SLCO3A1: variants seen among roughly 807,000 people sequenced by gnomAD.
SLCO3A1 encodes the protein solute carrier organic anion transporter family member 3A1.
A neutral mutation model predicts 63.1 loss-of-function variants in SLCO3A1; 27 were observed. The observed-to-expected ratio is 0.43, with a 90% CI of 0.32 to 0.59. The LOEUF (loss-of-function observed/expected upper bound fraction) is 0.59. Among genes scored for constraint, SLCO3A1 ranks in the 20% least tolerant of loss-of-function variants. The pLI is 0.09. For synonymous variants in SLCO3A1, 473 were observed against 409.9 expected, an observed-to-expected ratio of 1.15 and a Z score of -1.86; for missense variants, 773 against 945.8, an observed-to-expected ratio of 0.82 and a Z score of 2.40.
chr15:91,881,363 T>C (rs1401310551), intron 1 of SLCO3A1, among the ~76,000 whole-genome samples: 3 of 152,104 alleles, frequency 2.0e-5, no homozygotes, highest in Non-Finnish European at 2.9e-5. Flanking sequence ...AACTGTTCTC[T>C]GAATACCAGC....
intron 2 of SLCO3A1, among the ~76,000 whole-genome samples, chr15:92,047,906 G>A (rs911556922): frequency 1.3e-5 from 2 of 151,416 alleles, no homozygotes; most frequent in Admixed American, 6.6e-5. Context: ...GCAATGTACC[G>A]GGCACTTCAT....
chr15:91,989,708 T>A (rs2046102469), intron 2 of SLCO3A1, among the ~76,000 whole-genome samples: 1 of 152,246 alleles, frequency 6.6e-6, no homozygotes, highest in Admixed American at 6.5e-5. Context: ...AGAACCAAAG[T>A]ATTATTTAGC....
Position 91,872,541 on chromosome 15 carries a change from A to AG in SLCO3A1, c.180+18453_180+18454insG, listed in dbSNP as rs892185580. ...AAAATGAGACTCCGTCTCAAAAAAA[A>AG]AAAGAAAAGAAAAAAGAAGAAAGAA... On this transcript the variant is annotated intron_variant, in intron 1 of 9. Transcript: ENST00000318445. The surrounding 1 kb of genome is among the most constrained non-coding windows in gnomAD (Gnocchi z 4.1). Among the ~76,000 whole-genome samples the AG allele has an allele frequency of 1.3e-5, 2 of 151,818 alleles. No individual in the cohort carries two copies. Among genetic ancestry groups the AG allele is most frequent in the African/African-American group, 2.4e-5 (1 of 41,140 alleles).
intron 1 of SLCO3A1, among the ~76,000 whole-genome samples, chr15:91,884,162 T>TA: frequency 6.6e-6 from 1 of 152,338 alleles, no homozygotes; most frequent in East Asian, 1.9e-4. Context: ...TCCTGAGAGT[T>TA]AGAGAAATTT....
Position 92,165,444 on chromosome 15 carries a change from T to G in SLCO3A1, c.*2309T>G. 1.0e-6 allele frequency: 1 copy of G among 985,082 alleles called. No individual in the cohort carries two copies. Among genetic ancestry groups the G allele is most frequent in the South Asian group, 4.7e-5 (1 of 21,268 alleles). 61.0% of individuals were successfully genotyped at this position (985,082 alleles called of 1,614,324 possible). ...TAGATTATTGCTTGGCCCTTCAAAC[T>G]CAGTACACACACACTGAGGCCCTTT... On this transcript the variant is annotated 3_prime_UTR_variant, in exon 10 of 10. Coordinates refer to ENST00000318445, the MANE Select transcript of SLCO3A1 (RefSeq NM_013272.4).
chr15:92,143,594 G>A (rs1001186493), intron 7 of SLCO3A1, among the ~76,000 whole-genome samples: 1 of 135,910 alleles, frequency 7.4e-6, no homozygotes, highest in Non-Finnish European at 1.5e-5. Flanking sequence ...TTTAGTGTCA[G>A]GGGGAAGATG....
intron 2 of SLCO3A1, among the ~76,000 whole-genome samples, chr15:91,999,108 C>T (rs932125547): frequency 3.9e-5 from 6 of 152,058 alleles, no homozygotes; most frequent in African/African-American, 1.4e-4. Flanking sequence ...GACGTAAAGT[C>T]GGCAATAATA....
intron 2 of SLCO3A1, among the ~76,000 whole-genome samples, chr15:92,036,006 CTG>C (rs937184031): frequency 6.8e-6 from 1 of 146,918 alleles, no homozygotes; most frequent in African/African-American, 2.4e-5. Context: ...TGCCAAAACA[CTG>C]TCTCTTCCAG....
At chr15:92,022,258 C>A (rs1366664000) in intron 2 of SLCO3A1, among the ~76,000 whole-genome samples, 1 of 152,212 alleles carries the variant, frequency 6.6e-6, no homozygotes, top group African/African-American at 2.4e-5. Flanking sequence ...ACTTTTCTTG[C>A]TGACTTAGGT....
Position 92,164,605 on chromosome 15 carries a change from T to C in SLCO3A1, c.*1470T>C, listed in dbSNP as rs2048477509. ...TTCCCTAACACAAGCTGTTAAGAAG[T>C]CTGTAGCATCTCTGATAACGAATAG... On this transcript the variant is annotated 3_prime_UTR_variant, in exon 10 of 10. Transcript: ENST00000318445. The C allele has an allele frequency of 1.1e-6, 1 of 925,408 alleles. No homozygotes were observed. The allele number at this position is 925,408 out of a possible 1,614,324, so 57.3% of individuals were successfully genotyped here.
Position 91,942,959 on chromosome 15 carries a change from G to C in SLCO3A1, c.646+26501G>C, listed in dbSNP as rs1246961739. Among the ~76,000 whole-genome samples the C allele has an allele frequency of 1.3e-5, 2 of 152,206 alleles. No individual in the cohort carries two copies. The highest frequency in any genetic ancestry group is 3.9e-4 in the East Asian group (2 of 5,194). Reference sequence around the variant, plus strand: ...CGTGGGGCCCAGGGCCCAGCCGTTTGACCTCGTTCTGCCTCCCTTTCTCTC... The same window carrying C: ...CGTGGGGCCCAGGGCCCAGCCGTTTCACCTCGTTCTGCCTCCCTTTCTCTC... On this transcript the variant is annotated intron_variant, in intron 2 of 9. Transcript: ENST00000318445. The surrounding 1 kb of genome is among the most constrained non-coding windows in gnomAD (Gnocchi z 4.1).
At chr15:91,908,182 C>G (rs1422374963) in intron 1 of SLCO3A1, among the ~76,000 whole-genome samples, 1 of 152,086 alleles carries the variant, frequency 6.6e-6, no homozygotes, top group Non-Finnish European at 1.5e-5. Context: ...CTCAAAATCT[C>G]ACACATTTTC....
intron 2 of SLCO3A1, among the ~76,000 whole-genome samples, chr15:92,088,445 A>G (rs1351306053): frequency 6.6e-6 from 1 of 152,252 alleles, no homozygotes; most frequent in Non-Finnish European, 1.5e-5. Context: ...AGATCTGAGA[A>G]GTCTTGGAGT....
chr15:91,938,268 G>A (rs572740950), intron 2 of SLCO3A1, among the ~76,000 whole-genome samples: 4 of 152,258 alleles, frequency 2.6e-5, no homozygotes, highest in African/African-American at 4.8e-5. Flanking sequence ...AAATCCCAGT[G>A]CAGGGCCCAG....
At position 92,163,820 on chromosome 15, in the gene SLCO3A1, C is replaced by T; in HGVS notation, c.*685C>T. ...GTTTGTAATTGGCACCTCTCACCAGCTCCATTTCCATGTTCAAGACTGAGG... is the reference window on the plus strand; with the variant it reads ...GTTTGTAATTGGCACCTCTCACCAGTTCCATTTCCATGTTCAAGACTGAGG... On this transcript the variant is annotated 3_prime_UTR_variant, in exon 10 of 10. Coordinates refer to ENST00000318445, the MANE Select transcript of SLCO3A1 (RefSeq NM_013272.4). The T allele has an allele frequency of 1.0e-6, 1 of 985,464 alleles. No individual in the cohort carries two copies. The highest frequency in any genetic ancestry group is 1.2e-6 in the Non-Finnish European group (1 of 830,004). 61.0% of individuals were successfully genotyped at this position (985,464 alleles called of 1,614,324 possible). A position where few individuals can be genotyped will look rare whatever the true frequency, so the allele number is the denominator to read the frequency against.
At chr15:92,153,273 C>A (rs1343805825) in intron 9 of SLCO3A1, among the ~76,000 whole-genome samples, 4 of 152,078 alleles carry the variant, frequency 2.6e-5, no homozygotes, top group Non-Finnish European at 5.9e-5. Context: ...AAAAAATACT[C>A]ACTGTAATAG....
chr15:92,131,328 G>A (rs1313446965), intron 7 of SLCO3A1, among the ~76,000 whole-genome samples: 2 of 149,842 alleles, frequency 1.3e-5, no homozygotes, highest in Non-Finnish European at 3.0e-5. Flanking sequence ...GGCCCTGGCT[G>A]CCTCTCCAGC....
rs1313047946 is a variant in SLCO3A1 at position 92,163,041 on chromosome 15, G to A, written c.2039G>A (p.Arg680Lys). Residue 680 changes from arginine (R) to lysine (K), a missense_variant, in exon 10 of 10, where the codon AGG (arginine) becomes AAG (lysine). Arg to Lys is a conservative substitution (Grantham distance 26, BLOSUM62 2). Transcript: ENST00000318445. ...ASTLTLDNLG[R>K]DPVPANQTHR... ...ACTCTGACCCTAGACAACCTGGGGA[G>A]GGACCCTGTGCCCGCAAACCAGACA... is the stretch of plus-strand genomic sequence containing the variant. 2 of 1,592,916 alleles carry A rather than the reference G, an allele frequency of 1.3e-6. No homozygotes were observed. The highest frequency in any genetic ancestry group is 3.5e-5 in the Admixed American group (2 of 57,464).
At chr15:92,147,407 A>C (rs2048241912) in intron 8 of SLCO3A1, among the ~76,000 whole-genome samples, 1 of 152,096 alleles carries the variant, frequency 6.6e-6, no homozygotes, top group African/African-American at 2.4e-5. Context: ...TAGAGCCTGC[A>C]GGCAGTTTTG....
Sources: gnomAD v4.1 joint callset for allele counts (sites outside exome capture counted in the v4.1 genomes callset) on GRCh38, gnomAD v4.1.1 for gene constraint, Gnocchi (gnomAD v3.1) non-coding constraint, MANE v1.5 for transcripts, NCBI Gene and HGNC (gene_info 2026-07-23, HGNC 2026-07-21) for gene names.